EPHA5: variants seen among roughly 807,000 people sequenced by gnomAD.
EPHA5 encodes the protein ephrin type-A receptor 5.
Under a neutral mutation model 105.0 loss-of-function variants are expected in EPHA5, and 60 were observed. The ratio of observed to expected loss-of-function variants is 0.57; its 90% CI spans 0.46 to 0.71. The LOEUF is 0.71. EPHA5 is among the 30% of genes least tolerant of loss of function. The pLI is 0.00. For synonymous variants in EPHA5, 513 were observed against 449.1 expected, an observed-to-expected ratio of 1.14 and a Z score of -1.80; for missense variants, 1,218 against 1,274.7, an observed-to-expected ratio of 0.96 and a Z score of 0.68.
chr4:65,433,060 ACTCG>A (rs1263065643), intron 5 of EPHA5, among the ~76,000 whole-genome samples: 1 of 152,096 alleles, frequency 6.6e-6, no homozygotes, highest in East Asian at 1.9e-4. Context: ...TATGCAAAAC[ACTCG>A]CTAATGCAAA....
chr4:65,652,729 T>A (rs1350592202), intron 1 of EPHA5, among the ~76,000 whole-genome samples: 1 of 152,138 alleles, frequency 6.6e-6, no homozygotes, highest in Admixed American at 6.6e-5. Context: ...ACCATAATGC[T>A]TCAATTTTAT....
chr4:65,602,086 G>A lies in EPHA5; in HGVS notation c.465C>T (p.Tyr155=), dbSNP rs2149440481. Residue 155 remains tyrosine, a synonymous_variant, in exon 3 of 17, where the codon TAC becomes TAT. Transcript: ENST00000613740. ...GTCKETFNMY[Y]FESDDQNGRN... Reference sequence around the variant, plus strand: ...TCCCATTCTGATCATCTGACTCAAAGTAATACATATTAAAGGTTTCCTTAC... The same window carrying A: ...TCCCATTCTGATCATCTGACTCAAAATAATACATATTAAAGGTTTCCTTAC... 1 of 1,614,080 alleles carries A rather than the reference G, an allele frequency of 6.2e-7. No homozygotes were observed. Among genetic ancestry groups the A allele is most frequent in the Non-Finnish European group, 8.5e-7 (1 of 1,179,994 alleles).
At chr4:65,576,719 C>T (rs1250928520) in intron 3 of EPHA5, among the ~76,000 whole-genome samples, 1 of 152,200 alleles carries the variant, frequency 6.6e-6, no homozygotes, top group Non-Finnish European at 1.5e-5. Context: ...TTACCTATCA[C>T]AGACTTTGTC....
chr4:65,430,518 A>G (rs1724869615), intron 5 of EPHA5, among the ~76,000 whole-genome samples: 1 of 151,906 alleles, frequency 6.6e-6, no homozygotes. Flanking sequence ...AATACATAAT[A>G]TATCACATTT....
chr4:65,662,716 TG>T lies in EPHA5; in HGVS notation c.181+6845del, dbSNP rs1749657040. Reference sequence around the variant, plus strand: ...ATATGTGAGTGTGTGAGAGTGTGTATGTGGGCAGGGGTGATATTTTTTAAAA... The same window carrying T: ...ATATGTGAGTGTGTGAGAGTGTGTATTGGGCAGGGGTGATATTTTTTAAAA... On this transcript the variant is annotated intron_variant, in intron 1 of 16. Coordinates refer to ENST00000613740, the MANE Select transcript of EPHA5 (RefSeq NM_001281766.3). Among the ~76,000 whole-genome samples the T allele has an allele frequency of 2.0e-5, 3 of 152,268 alleles. No individual in the cohort carries two copies. In the South Asian group the frequency reaches 6.2e-4, roughly 32 times the overall value.
At chr4:65,485,543 C>T (rs1296070075) in intron 5 of EPHA5, among the ~76,000 whole-genome samples, 2 of 152,136 alleles carry the variant, frequency 1.3e-5, no homozygotes, top group Admixed American at 1.3e-4. Context: ...CCCCTAAAAG[C>T]AAGTTCCTAG....
At chr4:65,492,845 C>A (rs1560602998) in intron 4 of EPHA5, among the ~76,000 whole-genome samples, 2 of 152,058 alleles carry the variant, frequency 1.3e-5, no homozygotes, top group African/African-American at 2.4e-5. Context: ...TCTGGAAATA[C>A]ACGTGTTCTT....
chr4:65,547,564 A>G (rs529032534), intron 3 of EPHA5, among the ~76,000 whole-genome samples: 1 of 152,128 alleles, frequency 6.6e-6, no homozygotes, highest in South Asian at 2.1e-4. Context: ...TATAAGAAAA[A>G]AGATTAGACT....
At chr4:65,663,973 A>G (rs1749756613) in intron 1 of EPHA5, among the ~76,000 whole-genome samples, 1 of 151,972 alleles carries the variant, frequency 6.6e-6, no homozygotes, top group Non-Finnish European at 1.5e-5. Flanking sequence ...TGCATATGTT[A>G]ATAAATGAAT....
chr4:65,363,373 C>T (rs998672173), intron 11 of EPHA5, among the ~76,000 whole-genome samples: 1 of 151,538 alleles, frequency 6.6e-6, no homozygotes, highest in African/African-American at 2.4e-5. Flanking sequence ...TGCAAAACCA[C>T]ATAATTGTTT....
intron 3 of EPHA5, among the ~76,000 whole-genome samples, chr4:65,531,007 T>G (rs779644054): frequency 1.3e-5 from 1 of 75,628 alleles, no homozygotes; most frequent in Non-Finnish European, 2.8e-5. Context: ...TTTTTTTTTA[T>G]TTTTTTTATT....
chr4:65,553,740 G>A (rs541624152), intron 3 of EPHA5, among the ~76,000 whole-genome samples: 8 of 152,092 alleles, frequency 5.3e-5, no homozygotes, highest in African/African-American at 1.7e-4. Flanking sequence ...ATATTGCAGT[G>A]CATATATTAC....
At chr4:65,449,704 G>A (rs1168692645) in intron 5 of EPHA5, among the ~76,000 whole-genome samples, 1 of 152,148 alleles carries the variant, frequency 6.6e-6, no homozygotes, top group African/African-American at 2.4e-5. Context: ...GCAGGACCAT[G>A]TTAAAATGAG....
intron 3 of EPHA5, among the ~76,000 whole-genome samples, chr4:65,553,868 G>T (rs763210730): frequency 6.6e-6 from 1 of 151,926 alleles, no homozygotes; most frequent in Non-Finnish European, 1.5e-5. Flanking sequence ...TCAGTAACAT[G>T]GCAATGAGCC....
intron 3 of EPHA5, among the ~76,000 whole-genome samples, chr4:65,581,630 G>C (rs190714735): frequency 6.6e-6 from 1 of 151,794 alleles, no homozygotes; most frequent in Admixed American, 6.6e-5. Flanking sequence ...AAATATACCA[G>C]CCATAGGGAC....
At chr4:65,477,882 G>A (rs1729980987) in intron 5 of EPHA5, among the ~76,000 whole-genome samples, 1 of 152,132 alleles carries the variant, frequency 6.6e-6, no homozygotes, top group African/African-American at 2.4e-5. Context: ...ATAGATAGAA[G>A]GGAGAAAGAG....
At chr4:65,554,334 T>C (rs1363763076) in intron 3 of EPHA5, among the ~76,000 whole-genome samples, 1 of 150,560 alleles carries the variant, frequency 6.6e-6, no homozygotes, top group African/African-American at 2.4e-5. Flanking sequence ...GGCTTTATTA[T>C]GTACTTGGCT....
chr4:65,412,314 C>T (rs928840035), intron 7 of EPHA5, among the ~76,000 whole-genome samples: 1 of 152,092 alleles, frequency 6.6e-6, no homozygotes, highest in Non-Finnish European at 1.5e-5. Context: ...ACAGTATATT[C>T]CTTTTGTCTG....
At chr4:65,484,890 G>A (rs77594078) in intron 5 of EPHA5, among the ~76,000 whole-genome samples, 1,693 of 152,116 alleles carry the variant, frequency 0.011, 37 homozygotes, top group African/African-American at 0.039. Flanking sequence ...GAGTTGCTAT[G>A]TCTCTATCTG....
Sources: allele counts gnomAD v4.1 joint callset (sites outside exome capture counted in the v4.1 genomes callset), GRCh38; gene constraint gnomAD v4.1.1; transcripts MANE v1.5; gene names NCBI Gene and HGNC (gene_info 2026-07-23, HGNC 2026-07-21).